The following SYT1 variants were observed in gnomAD, a reference collection of about 807,000 sequenced individuals.
SYT1 encodes synaptotagmin-1.
SYT1 carries 8 observed loss-of-function variants against 44.8 expected under a neutral mutation model. The ratio of observed to expected loss-of-function variants is 0.18; its 90% CI spans 0.10 to 0.32. The LOEUF (loss-of-function observed/expected upper bound fraction) is 0.32. Among genes scored for constraint, SYT1 ranks in the 10% least tolerant of loss-of-function variants. The probability of loss-of-function intolerance (pLI) is 1.00; values close to 1 mark genes in which losing one functional copy is unlikely to be tolerated. For synonymous variants in SYT1, 154 were observed against 188.8 expected (o/e 0.82, Z 1.51); for missense variants, 286 against 509.3 (o/e 0.56, Z 4.22).
chr12:79,439,337 C>T (rs1016319341), intron 9 of SYT1, among the ~76,000 whole-genome samples: 1 of 152,186 alleles, frequency 6.6e-6, no homozygotes, highest in Admixed American at 6.5e-5. Context: ...TCCCATCTCA[C>T]GCTGCGAGAC....
chr12:79,176,915 G>A (rs958541639), intron 3 of SYT1, among the ~76,000 whole-genome samples: 2 of 151,734 alleles, frequency 1.3e-5, no homozygotes, highest in African/African-American at 4.8e-5. Context: ...TAACCACAAT[G>A]TCAATCACAC....
chr12:79,047,869 T>C (rs1874188935), intron 3 of SYT1, among the ~76,000 whole-genome samples: 1 of 151,902 alleles, frequency 6.6e-6, no homozygotes, highest in Admixed American at 6.6e-5. Flanking sequence ...ACAACTTAAC[T>C]AAAAGTGTAT....
At chr12:79,399,179 A>G (rs569705948) in intron 9 of SYT1, among the ~76,000 whole-genome samples, 38 of 152,312 alleles carry the variant, frequency 2.5e-4, no homozygotes, top group Non-Finnish European at 4.4e-4. Context: ...AATAAGAAGG[A>G]ATATTCATCT....
intron 2 of SYT1, among the ~76,000 whole-genome samples, chr12:79,007,265 T>C (rs143000992): frequency 6.6e-6 from 1 of 152,186 alleles, no homozygotes; most frequent in Non-Finnish European, 1.5e-5. Context: ...TCCTCTGTGA[T>C]GCTTCGTTAA....
intron 4 of SYT1, among the ~76,000 whole-genome samples, chr12:79,241,948 G>T (rs1876541157): frequency 6.6e-6 from 1 of 152,198 alleles, no homozygotes; most frequent in Non-Finnish European, 1.5e-5. Context: ...TGGAGGCAGA[G>T]ATTAGAGTGA....
intron 9 of SYT1, among the ~76,000 whole-genome samples, chr12:79,437,001 G>T (rs1450807782): frequency 2.6e-5 from 4 of 152,160 alleles, no homozygotes; most frequent in African/African-American, 9.7e-5. Flanking sequence ...CAGGGAAGTG[G>T]TGACTTTTAA....
At chr12:79,398,573 C>T (rs919242405) in intron 9 of SYT1, among the ~76,000 whole-genome samples, 1 of 151,984 alleles carries the variant, frequency 6.6e-6, no homozygotes, top group African/African-American at 2.4e-5. Flanking sequence ...TTATTATGGT[C>T]CTTGACTCTA....
At chr12:79,447,179 C>A (rs968642582) in intron 10 of SYT1, among the ~76,000 whole-genome samples, 1 of 151,956 alleles carries the variant, frequency 6.6e-6, no homozygotes, top group African/African-American at 2.4e-5. Context: ...TGACTGTATC[C>A]CTCTTTCTCT....
chr12:79,100,604 G>T (rs545922506), intron 3 of SYT1, among the ~76,000 whole-genome samples: 1 of 152,208 alleles, frequency 6.6e-6, no homozygotes, highest in East Asian at 1.9e-4. Context: ...CTTATTATCA[G>T]ATGATGGGGT....
chr12:78,924,153 T>G (rs995872775), intron 1 of SYT1, among the ~76,000 whole-genome samples: 3 of 151,938 alleles, frequency 2.0e-5, no homozygotes, highest in Non-Finnish European at 4.4e-5. Context: ...GAAGTGATGA[T>G]GTGTCTTTTG....
At chr12:79,083,957 A>C (rs916674400) in intron 3 of SYT1, among the ~76,000 whole-genome samples, 6 of 152,144 alleles carry the variant, frequency 3.9e-5, no homozygotes. Flanking sequence ...AAATGAGCAT[A>C]TCTCCTAACA....
chr12:79,182,720 C>T (rs574008591), intron 3 of SYT1, among the ~76,000 whole-genome samples: 1 of 152,066 alleles, frequency 6.6e-6, no homozygotes, highest in Admixed American at 6.6e-5. Flanking sequence ...CTTCTTCTAG[C>T]ATCTCTGCTG....
chr12:79,155,349 C>T (rs1870528919), intron 3 of SYT1, among the ~76,000 whole-genome samples: 1 of 152,176 alleles, frequency 6.6e-6, no homozygotes. Flanking sequence ...TGTTCATCCT[C>T]ATTAGTTAAA....
chr12:79,349,056 A>AAAGAAAGAAAGAAAGAAAGGAG (rs2090255467), intron 8 of SYT1, among the ~76,000 whole-genome samples: 4 of 125,860 alleles, frequency 3.2e-5, no homozygotes, highest in African/African-American at 8.9e-5. Context: ...AAAGAAAGAA[A>AAAGAAAGAAAGAAAGAAAGGAG]GGAGGGAGGG....
chr12:78,889,642 C>G (rs1397073781), intron 1 of SYT1, among the ~76,000 whole-genome samples: 1 of 149,470 alleles, frequency 6.7e-6, no homozygotes, highest in Non-Finnish European at 1.5e-5. Flanking sequence ...AACGAAGAGC[C>G]CATGTCTTGA....
intron 4 of SYT1, among the ~76,000 whole-genome samples, chr12:79,223,644 G>A (rs1352412204): frequency 6.6e-6 from 1 of 152,218 alleles, no homozygotes; most frequent in East Asian, 1.9e-4. Flanking sequence ...GGCCACTAAT[G>A]CTGCCTGCTG....
chr12:78,941,055 CTTTTTTTTTCTTTTTTTTT>C (rs1878328643), intron 1 of SYT1, among the ~76,000 whole-genome samples: 3 of 86,050 alleles, frequency 3.5e-5, no homozygotes, highest in East Asian at 4.7e-4. Flanking sequence ...CTTTTTTTTT[CTTTTTTTTTCTTTTTTTTT>C]TTTTTTTTTG....
At chr12:79,106,272 A>T (rs1414887587) in intron 3 of SYT1, among the ~76,000 whole-genome samples, 1 of 152,230 alleles carries the variant, frequency 6.6e-6, no homozygotes, top group East Asian at 1.9e-4. Context: ...AATACTAAGG[A>T]TATAACCCTA....
chr12:79,335,809 T>C (rs982418229), intron 8 of SYT1, among the ~76,000 whole-genome samples: 4 of 152,212 alleles, frequency 2.6e-5, no homozygotes, highest in African/African-American at 9.6e-5. Context: ...ATAAAGGACA[T>C]CTCTGGCTGT....
Sources: allele counts gnomAD v4.1 joint callset (sites outside exome capture counted in the v4.1 genomes callset), GRCh38; gene constraint gnomAD v4.1.1; transcripts MANE v1.5; gene names NCBI Gene and HGNC (gene_info 2026-07-23, HGNC 2026-07-21).